The following KDM4C variants were observed in gnomAD, a reference collection of about 807,000 sequenced individuals.
The protein encoded by KDM4C is lysine-specific demethylase 4C.
In KDM4C, 81 loss-of-function variants were observed where a neutral mutation model predicts 129.3. The observed-to-expected ratio is 0.63, with a 90% CI of 0.52 to 0.75. The LOEUF (loss-of-function observed/expected upper bound fraction) is 0.75, where lower values mean the gene tolerates loss of function less well. Ranked by LOEUF, KDM4C falls within the 30% of genes least tolerant of loss-of-function variation. The pLI is 0.00. For synonymous variants in KDM4C, 573 were observed against 456.1 expected (o/e 1.26, Z -3.26); for missense variants, 1,457 against 1,304.0 (o/e 1.12, Z -1.81).
chr9:6,889,569 C>T (rs1845826265), intron 7 of KDM4C, among the ~76,000 whole-genome samples: 3 of 152,104 alleles, frequency 2.0e-5, no homozygotes, highest in African/African-American at 7.2e-5. Context: ...GGGCTTTGTC[C>T]CATCTGCAGA....
At chr9:6,950,815 G>C (rs1366675088) in intron 8 of KDM4C, among the ~76,000 whole-genome samples, 1 of 152,150 alleles carries the variant, frequency 6.6e-6, no homozygotes, top group South Asian at 2.1e-4. Flanking sequence ...TGGTTCATCC[G>C]GTTCAGTATC....
At chr9:6,849,973 T>G (rs1405338266) in intron 5 of KDM4C, among the ~76,000 whole-genome samples, 2 of 152,244 alleles carry the variant, frequency 1.3e-5, no homozygotes, top group African/African-American at 2.4e-5. Flanking sequence ...GAGTTTATAA[T>G]GCAATTGAAA....
intron 8 of KDM4C, among the ~76,000 whole-genome samples, chr9:6,908,195 T>G (rs7021011): frequency 0.46 from 70,265 of 152,034 alleles, 16,586 homozygotes; most frequent in Middle Eastern, 0.62. Flanking sequence ...GTTTCTTAAA[T>G]GAAGTGCCCA....
In KDM4C at chr9:7,116,951, A is replaced by G. The variant is rs113897743; in HGVS notation, c.2611-11115A>G. Among the ~76,000 whole-genome samples, 148 of 152,348 alleles carry G rather than the reference A, an allele frequency of 9.7e-4. 1 individual carries two copies. The highest frequency in any genetic ancestry group is 3.5e-3 in the African/African-American group (146 of 41,574). Reference sequence around the variant, plus strand: ...CAATGTAGATAAGAGTTACAAAAGTATAATAATAACTAACATTTGTATAGT... The same window carrying G: ...CAATGTAGATAAGAGTTACAAAAGTGTAATAATAACTAACATTTGTATAGT... On this transcript the variant is annotated intron_variant, in intron 18 of 21. Coordinates refer to ENST00000381309, the MANE Select transcript of KDM4C (RefSeq NM_015061.6).
chr9:6,984,396 A>T lies in KDM4C; in HGVS notation c.1346A>T (p.Lys449Ile), dbSNP rs201267758. 5.2e-5 allele frequency: 84 copies of T among 1,606,308 alleles called. 1 individual carries two copies. The South Asian group carries it at 8.0e-4, about 15-fold the overall frequency. The change falls in exon 10 of 22, where the codon AAA becomes ATA. Residue 449 changes from lysine to isoleucine, a missense_variant. By Grantham distance (102) the Lys-to-Ile change is moderately radical. Transcript: ENST00000381309. ...QVEQNLSDHI[K>I]LSGNSCLSTS... ...GAGCAGAATTTATCAGATCATATCAAACTCTCAGGTGAGAAGATGGTTGAT... is the reference window on the plus strand; with the variant it reads ...GAGCAGAATTTATCAGATCATATCATACTCTCAGGTGAGAAGATGGTTGAT...
intron 19 of KDM4C, among the ~76,000 whole-genome samples, chr9:7,137,593 T>G (rs1372867223): frequency 2.0e-5 from 3 of 152,260 alleles, no homozygotes; most frequent in Non-Finnish European, 4.4e-5. Flanking sequence ...GGTTGCTATA[T>G]GCATGTTTCA....
chr9:6,798,429 G>T lies in KDM4C; in HGVS notation c.144+5297G>T, dbSNP rs544967026. Among the ~76,000 whole-genome samples the T allele has an allele frequency of 1.0e-3, 159 of 152,080 alleles. No individual in the cohort carries two copies. The South Asian group carries it at 0.011, about 10-fold the overall frequency. ...GTCCCTGGGTACTTGAGATTATGGA[G>T]TGGTGATGACTCTTAACGAGCATGC... On this transcript the variant is annotated intron_variant, in intron 2 of 21. Transcript: ENST00000381309.
At chr9:7,073,914 C>T (rs1833555729) in intron 17 of KDM4C, among the ~76,000 whole-genome samples, 1 of 152,162 alleles carries the variant, frequency 6.6e-6, no homozygotes, top group South Asian at 2.1e-4. Flanking sequence ...ATAAACTCCA[C>T]TTGTGGCAGG....
intron 1 of KDM4C, among the ~76,000 whole-genome samples, chr9:6,747,363 C>G (rs143098608): frequency 6.6e-6 from 1 of 151,344 alleles, no homozygotes; most frequent in East Asian, 2.0e-4. Flanking sequence ...CTGGCTAATA[C>G]GGTGAAACCC....
chr9:6,766,768 AT>A lies in KDM4C; in HGVS notation c.-18+8579del, dbSNP rs202219046. ...CAGCTGATGGGTAGTGCTGAACAGG[AT>A]TTTTTTTTTTTTTAACCTGCTGGGC... On this transcript the variant is annotated intron_variant, in intron 1 of 21. Transcript: ENST00000381309. Among the ~76,000 whole-genome samples the A allele has an allele frequency of 9.4e-3, 1,350 of 143,654 alleles. 3 individuals are homozygous for A. Among genetic ancestry groups the A allele is most frequent in the Middle Eastern group, 0.025 (7 of 282 alleles). 94.2% of individuals were successfully genotyped at this position (143,654 alleles called of 152,430 possible). A position where few individuals can be genotyped will look rare whatever the true frequency, so the allele number is the denominator to read the frequency against.
chr9:7,090,786 A>G (rs1349799029), intron 17 of KDM4C, among the ~76,000 whole-genome samples: 1 of 152,192 alleles, frequency 6.6e-6, no homozygotes, highest in Non-Finnish European at 1.5e-5. Flanking sequence ...TCACGTTGTA[A>G]GAATATATGT....
intron 21 of KDM4C, among the ~76,000 whole-genome samples, chr9:7,171,140 C>T (rs1376654081): frequency 6.6e-6 from 1 of 152,116 alleles, no homozygotes; most frequent in Non-Finnish European, 1.5e-5. Context: ...ACTTTCCTCT[C>T]AGCTGCATCC....
intron 15 of KDM4C, among the ~76,000 whole-genome samples, chr9:7,018,300 A>G (rs752480765): frequency 1.3e-5 from 2 of 152,222 alleles, no homozygotes; most frequent in African/African-American, 2.4e-5. Flanking sequence ...TTACAATCTT[A>G]TGGGACTACT....
chr9:6,779,573 T>G lies in KDM4C; in HGVS notation c.-17-13399T>G, dbSNP rs143175151. 3.0e-3 allele frequency among the ~76,000 whole-genome samples: 454 copies of G among 152,322 alleles called. 4 individuals are homozygous for G. Among genetic ancestry groups the G allele is most frequent in the African/African-American group, 0.01 (426 of 41,566 alleles). On this transcript the variant is annotated intron_variant, in intron 1 of 21. Transcript: ENST00000381309. ...TGAACTTGGACCCTGATCTTCTGTT[T>G]GTAGTAGCAGTGGCAGTTCCCTTGA...
chr9:6,765,191 C>G (rs542081743), intron 1 of KDM4C, among the ~76,000 whole-genome samples: 1 of 152,288 alleles, frequency 6.6e-6, no homozygotes, highest in Admixed American at 6.5e-5. Flanking sequence ...TCTTTCTACC[C>G]CAAGCTCCAC....
chr9:6,803,785 G>C (rs1427267761), intron 2 of KDM4C, among the ~76,000 whole-genome samples: 1 of 151,148 alleles, frequency 6.6e-6, no homozygotes, highest in Non-Finnish European at 1.5e-5. Flanking sequence ...TCCAGCAATA[G>C]ATCATGAATT....
intron 8 of KDM4C, among the ~76,000 whole-genome samples, chr9:6,910,230 A>C (rs2131071615): frequency 6.6e-6 from 1 of 152,290 alleles, no homozygotes; most frequent in South Asian, 2.1e-4. Flanking sequence ...TTTGAGAAGC[A>C]GCACTACATT....
intron 19 of KDM4C, among the ~76,000 whole-genome samples, chr9:7,164,271 A>G (rs1168944240): frequency 6.6e-6 from 1 of 152,166 alleles, no homozygotes; most frequent in East Asian, 1.9e-4. Context: ...CTCAATACAT[A>G]CAAATTTAAA....
At chr9:6,870,756 T>C (rs954335743) in intron 5 of KDM4C, among the ~76,000 whole-genome samples, 1 of 151,930 alleles carries the variant, frequency 6.6e-6, no homozygotes, top group Non-Finnish European at 1.5e-5. Context: ...CAGGGGATGA[T>C]TGTGAGCAAA....
Sources: gnomAD v4.1 joint callset for allele counts (sites outside exome capture counted in the v4.1 genomes callset) on GRCh38, gnomAD v4.1.1 for gene constraint, MANE v1.5 for transcripts, NCBI Gene and HGNC (gene_info 2026-07-23, HGNC 2026-07-21) for gene names.